UNC80: variants seen among roughly 807,000 people sequenced by gnomAD.
UNC80 encodes protein unc-80 homolog.
Under a neutral mutation model 384.6 loss-of-function variants are expected in UNC80, and 164 were observed. The ratio of observed to expected loss-of-function variants is 0.43; its 90% confidence interval spans 0.38 to 0.49. The LOEUF (loss-of-function observed/expected upper bound fraction) is 0.49, where lower values mean the gene tolerates loss of function less well. Ranked by LOEUF, UNC80 falls within the 20% of genes least tolerant of loss-of-function variation. The probability of loss-of-function intolerance (pLI) is 0.00; values close to 1 mark genes in which losing one functional copy is unlikely to be tolerated. For synonymous variants in UNC80, 1,486 were observed against 1,527.8 expected, an observed-to-expected ratio of 0.97 and a Z score of 0.64; for missense variants, 3,330 against 4,143.0, an observed-to-expected ratio of 0.80 and a Z score of 5.39.
At chr2:209,955,151 C>G (rs2092351688) in intron 48 of UNC80, among the ~76,000 whole-genome samples, 1 of 152,058 alleles carries the variant, frequency 6.6e-6, no homozygotes, top group Non-Finnish European at 1.5e-5. Context: ...CTCCTCCATT[C>G]CATTCTGCCA....
chr2:209,822,410 C>T (rs2080201638), intron 13 of UNC80, among the ~76,000 whole-genome samples: 1 of 152,076 alleles, frequency 6.6e-6, no homozygotes, highest in Non-Finnish European at 1.5e-5. Context: ...AATTAACAAA[C>T]AAATACAAGT....
intron 35 of UNC80, among the ~76,000 whole-genome samples, chr2:209,925,599 A>G (rs1425657808): frequency 1.3e-5 from 2 of 152,136 alleles, no homozygotes; most frequent in Non-Finnish European, 2.9e-5. Flanking sequence ...TCCCTTTTAC[A>G]GAGCGCTGAT....
rs1026019405 is a variant in UNC80, at chr2:209,774,306, T to A, written c.141+1164T>A. 4.6e-5 allele frequency among the ~76,000 whole-genome samples: 7 copies of A among 152,356 alleles called. No individual in the cohort carries two copies. In the East Asian group the frequency reaches 9.6e-4, roughly 21 times the overall value. ...AGGACCTTTTAATGGAATTTGTCATTGAATTTAGCTTGTTAGAGTAATTTG... is the reference window on the plus strand; with the variant it reads ...AGGACCTTTTAATGGAATTTGTCATAGAATTTAGCTTGTTAGAGTAATTTG... On this transcript the variant is annotated intron_variant, in intron 2 of 64. Coordinates refer to ENST00000673920, the MANE Select transcript of UNC80 (RefSeq NM_001371986.1).
intron 29 of UNC80, among the ~76,000 whole-genome samples, chr2:209,908,304 T>G (rs2088507177): frequency 6.6e-6 from 1 of 152,264 alleles, no homozygotes; most frequent in Admixed American, 6.5e-5. Flanking sequence ...TTGTGGCAGC[T>G]AGTACATTTT....
chr2:209,775,640 A>G (rs1457016839), intron 2 of UNC80, among the ~76,000 whole-genome samples: 1 of 152,202 alleles, frequency 6.6e-6, no homozygotes, highest in Non-Finnish European at 1.5e-5. Context: ...TGTTAATTCA[A>G]GCCATTTACT....
chr2:209,967,675 T>C, intron 52 of UNC80, 38 bp downstream of exon 52: 2 of 1,539,758 alleles, frequency 1.3e-6, no homozygotes, highest in Non-Finnish European at 1.8e-6. Context: ...CTATCACAAA[T>C]GTCAAAGTTA....
intron 38 of UNC80, 94 bp from the exon 39 acceptor site, chr2:209,933,728 G>T: frequency 8.9e-7 from 1 of 1,121,340 alleles, no homozygotes. Flanking sequence ...AGGCACAGAA[G>T]AAGGTCGAGT....
chr2:209,930,922 A>G, intron 37 of UNC80, 46 bp from the exon 38 acceptor site: 1 of 1,348,436 alleles, frequency 7.4e-7, no homozygotes. Flanking sequence ...TATTTTCTAC[A>G]GCATGGCAGC....
intron 29 of UNC80, among the ~76,000 whole-genome samples, chr2:209,909,339 A>G (rs887312053): frequency 1.4e-4 from 22 of 152,360 alleles, no homozygotes; most frequent in Non-Finnish European, 2.6e-4. Flanking sequence ...CAAAGGATAC[A>G]GTAGAATCTC....
intron 25 of UNC80, among the ~76,000 whole-genome samples, chr2:209,886,861 T>G (rs1161308800): frequency 1.3e-5 from 2 of 152,134 alleles, no homozygotes; most frequent in Non-Finnish European, 2.9e-5. Flanking sequence ...CATGTCACAG[T>G]TCTGGAGGAC....
intron 5 of UNC80, among the ~76,000 whole-genome samples, chr2:209,786,409 C>T (rs921524852): frequency 1.3e-5 from 2 of 152,192 alleles, no homozygotes; most frequent in Admixed American, 6.5e-5. Flanking sequence ...TGTGCCTCAG[C>T]TTCCTCATCT....
rs368627996 is a variant in UNC80, at chr2:209,844,451, T to TTTTCTTTCTTTC, written c.3454+2022_3454+2033dup. On this transcript the variant is annotated intron_variant, in intron 21 of 64. Coordinates refer to ENST00000673920, the MANE Select transcript of UNC80 (RefSeq NM_001371986.1). ...CTCTTTCTCTTTTCTTGCTCTTTTCTTTTCTTTCTTTCTTTCTTTCTTTCT... is the reference window on the plus strand; with the variant it reads ...CTCTTTCTCTTTTCTTGCTCTTTTCTTTTCTTTCTTTCTTTCTTTCTTTCTTTCTTTCTTTCT... 5.0e-4 allele frequency among the ~76,000 whole-genome samples: 29 copies of TTTTCTTTCTTTC among 58,220 alleles called. 1 individual carries two copies. The highest frequency in any genetic ancestry group is 1.9e-3 in the African/African-American group (25 of 12,878). 38.2% of individuals were successfully genotyped at this position (58,220 alleles called of 152,430 possible). A position where few individuals can be genotyped will look rare whatever the true frequency, so the allele number is the denominator to read the frequency against.
At chr2:209,835,181 A>G (rs2153828885) in intron 18 of UNC80, among the ~76,000 whole-genome samples, 171 bp downstream of exon 18, 1 of 152,300 alleles carries the variant, frequency 6.6e-6, no homozygotes, top group Admixed American at 6.5e-5. Context: ...CCAAATCACA[A>G]ATAACCAGTC....
chr2:209,881,281 T>A (rs957166207), intron 25 of UNC80, among the ~76,000 whole-genome samples, 187 bp downstream of exon 25: 1 of 152,104 alleles, frequency 6.6e-6, no homozygotes, highest in African/African-American at 2.4e-5. Flanking sequence ...TAATAATAAC[T>A]CCAAAGTCAA....
At chr2:209,836,266 G>A (rs1017058918) in intron 18 of UNC80, among the ~76,000 whole-genome samples, 2 of 152,082 alleles carry the variant, frequency 1.3e-5, no homozygotes, top group South Asian at 2.1e-4. Flanking sequence ...AATAATCAAC[G>A]TGAAAGACAA....
chr2:209,975,315 G>A (rs889773798), intron 56 of UNC80, among the ~76,000 whole-genome samples: 1 of 152,142 alleles, frequency 6.6e-6, no homozygotes, highest in African/African-American at 2.4e-5. Flanking sequence ...AGTGGCAGAG[G>A]GAGCTCCCGT....
intron 64 of UNC80, among the ~76,000 whole-genome samples, chr2:209,994,993 G>A (rs1192405757): frequency 6.6e-6 from 1 of 151,884 alleles, no homozygotes; most frequent in East Asian, 1.9e-4. Context: ...TTCTTCTCAT[G>A]TGGTATTTAA....
chr2:209,902,943 G>A (rs1336086197), intron 28 of UNC80, among the ~76,000 whole-genome samples: 1 of 122,536 alleles, frequency 8.2e-6, no homozygotes, highest in Non-Finnish European at 1.7e-5. Flanking sequence ...GTGTGTGTGT[G>A]TACAGTCATC....
At chr2:209,773,200 CA>C in intron 2 of UNC80, 58 bp downstream of exon 2, 1 of 1,449,026 alleles carries the variant, frequency 6.9e-7, no homozygotes, top group Non-Finnish European at 9.6e-7. Context: ...GGTTTGAACC[CA>C]AAGACAGATT....
Sources: allele counts gnomAD v4.1 joint callset (sites outside exome capture counted in the v4.1 genomes callset), GRCh38; gene constraint gnomAD v4.1.1; transcripts MANE v1.5; gene names NCBI Gene and HGNC (gene_info 2026-07-23, HGNC 2026-07-21).